The following PEAK1 variants were observed in gnomAD, a reference collection of about 807,000 sequenced individuals.
PEAK1 encodes inactive tyrosine-protein kinase PEAK1.
PEAK1 carries 54 observed loss-of-function variants against 124.7 expected under a neutral mutation model. The observed-to-expected ratio is 0.43, with a 90% confidence interval of 0.35 to 0.54. The LOEUF (loss-of-function observed/expected upper bound fraction) is 0.54, where lower values mean the gene tolerates loss of function less well. Among genes scored for constraint, PEAK1 ranks in the 20% least tolerant of loss-of-function variants. PEAK1 has a pLI of 0.01. For missense variants in PEAK1, 2,046 were observed against 2,134.5 expected (o/e 0.96, Z 0.82); for synonymous variants, 719 against 760.0 (o/e 0.95, Z 0.89).
intron 5 of PEAK1, among the ~76,000 whole-genome samples, chr15:77,264,660 G>T (rs1388024649): frequency 1.3e-5 from 2 of 152,034 alleles, no homozygotes; most frequent in Non-Finnish European, 2.9e-5. Flanking sequence ...AATCAATATC[G>T]TGAAAATGGC....
intron 2 of PEAK1, chr15:77,352,432 C>T (rs2067263894): frequency 1.0e-6 from 1 of 985,176 alleles, no homozygotes; most frequent in Admixed American, 6.2e-5. Flanking sequence ...ATACACGCAC[C>T]ACTAGGCCTG....
chr15:77,334,641 T>C (rs1567273111), intron 2 of PEAK1: 2 of 985,272 alleles, frequency 2.0e-6, no homozygotes, highest in South Asian at 4.7e-5. Flanking sequence ...TATTTTCATA[T>C]TTTTATTTGT....
chr15:77,136,762 G>A (rs1484585052), intron 8 of PEAK1, among the ~76,000 whole-genome samples: 2 of 152,176 alleles, frequency 1.3e-5, no homozygotes, highest in Non-Finnish European at 2.9e-5. Context: ...TTTCTGAAGA[G>A]AAATTCAAGC....
At chr15:77,123,459 A>C (rs17466905) in intron 9 of PEAK1, among the ~76,000 whole-genome samples, 3 of 152,188 alleles carry the variant, frequency 2.0e-5, no homozygotes, top group South Asian at 4.1e-4. Context: ...TGCTTCAGGC[A>C]TGAAATAATA....
chr15:77,145,838 A>T (rs977745620), intron 8 of PEAK1, among the ~76,000 whole-genome samples: 1 of 152,144 alleles, frequency 6.6e-6, no homozygotes, highest in Non-Finnish European at 1.5e-5. Context: ...CCCCATGTCT[A>T]TCTCTCCCAA....
intron 5 of PEAK1, among the ~76,000 whole-genome samples, chr15:77,256,615 T>C (rs2061150306): frequency 6.6e-6 from 1 of 152,078 alleles, no homozygotes; most frequent in African/African-American, 2.4e-5. Flanking sequence ...AAGGAGAATA[T>C]TTTGAGACAT....
intron 2 of PEAK1, among the ~76,000 whole-genome samples, chr15:77,345,203 T>G (rs1334417310): frequency 6.6e-6 from 1 of 152,180 alleles, no homozygotes; most frequent in Non-Finnish European, 1.5e-5. Context: ...TATGTTGAGG[T>G]AGTTTTCTTC....
intron 5 of PEAK1, among the ~76,000 whole-genome samples, chr15:77,253,247 G>C (rs564586272): frequency 4.0e-5 from 6 of 148,366 alleles, no homozygotes; most frequent in East Asian, 2.0e-4. Context: ...GTATGCGTTG[G>C]GGGGGGGGTG....
chr15:77,281,030 C>A (rs1226800307), intron 5 of PEAK1, among the ~76,000 whole-genome samples: 2 of 151,940 alleles, frequency 1.3e-5, no homozygotes, highest in African/African-American at 4.8e-5. Context: ...TGGGGTGACA[C>A]CGGTAATCCT....
In PEAK1 at chr15:77,221,905, G is replaced by A. The variant is rs559724966; in HGVS notation, c.-115+30462C>T. Among the ~76,000 whole-genome samples the A allele has an allele frequency of 1.2e-4, 19 of 152,118 alleles. No homozygotes were observed. The East Asian group carries it at 3.1e-3, about 25-fold the overall frequency. ...TAGCATGCAACGCCAATTTTAAGTC[G>A]TGCTCCTCAAGGTGCCAGCTGTGTT... On this transcript the variant is annotated intron_variant, in intron 6 of 9. Coordinates refer to ENST00000682557, the MANE Select transcript of PEAK1 (RefSeq NM_001385026.1).
intron 6 of PEAK1, among the ~76,000 whole-genome samples, chr15:77,201,993 T>C (rs1408509467): frequency 6.6e-6 from 1 of 152,216 alleles, no homozygotes; most frequent in Non-Finnish European, 1.5e-5. Context: ...TTTGTCAAAC[T>C]TGGTATTCAT....
chr15:77,419,662 G>A, intron 1 of PEAK1: 10 of 985,102 alleles, frequency 1.0e-5, no homozygotes, highest in Non-Finnish European at 1.2e-5. Flanking sequence ...CCTCCCAGCC[G>A]CGCCCGGGGG....
downstream of PEAK1, chr15:77,106,868 G>C (rs924991208): frequency 6.6e-6 from 1 of 152,110 alleles, no homozygotes. Context: ...GAATTCCTTC[G>C]CTATTTTGTC....
Position 77,164,905 on chromosome 15 carries a change from CT to C in PEAK1, c.3138-6210del, listed in dbSNP as rs978671775. 3.3e-3 allele frequency among the ~76,000 whole-genome samples: 465 copies of C among 142,318 alleles called. 1 individual carries two copies. The highest frequency in any genetic ancestry group is 7.1e-3 in the Middle Eastern group (2 of 282). 93.4% of individuals were successfully genotyped at this position (142,318 alleles called of 152,430 possible). The stretch of plus-strand genomic sequence containing the variant: ...GAAGGATGTTGAACAGGCTTTCTTT[CT>C]TTTTTTTTTTTTTTGAGACGGAGTC... On this transcript the variant is annotated intron_variant, in intron 7 of 9. Transcript: ENST00000682557.
chr15:77,294,162 T>C (rs1567222231), intron 2 of PEAK1, among the ~76,000 whole-genome samples: 1 of 152,184 alleles, frequency 6.6e-6, no homozygotes, highest in Admixed American at 6.5e-5. Flanking sequence ...CAACAGTGTC[T>C]TGATGGCCTG....
rs992736289 is a variant in PEAK1 at position 77,179,170 on chromosome 15, A to G, written c.2757T>C (p.Asp919=). 2.5e-6 allele frequency: 4 copies of G among 1,614,116 alleles called. No homozygotes were observed. The part of the protein sequence containing the change: ...LHSEGSRRAA[D]AKPKRWISFK... ...ATGATATCCAGCGCTTAGGTTTTGC[A>G]TCAGCTGCCCGCCTGCTGCCTTCAG... Residue 919 remains aspartate, a synonymous_variant, in exon 7 of 10, where the codon GAT becomes GAC. Transcript: ENST00000682557.
chr15:77,417,046 T>C (rs2072936775), intron 1 of PEAK1, among the ~76,000 whole-genome samples: 1 of 152,132 alleles, frequency 6.6e-6, no homozygotes, highest in Admixed American at 6.5e-5. Context: ...TTACCTATTA[T>C]TGAAGATTAG....
intron 2 of PEAK1, chr15:77,349,246 A>C (rs1000678726): frequency 3.8e-5 from 19 of 494,218 alleles, no homozygotes; most frequent in Admixed American, 6.4e-5. Context: ...TCACCATGTT[A>C]CCCAGGATGG....
intron 9 of PEAK1, among the ~76,000 whole-genome samples, chr15:77,123,308 A>G (rs924407198): frequency 2.6e-5 from 4 of 152,202 alleles, no homozygotes; most frequent in African/African-American, 9.6e-5. Flanking sequence ...TTTTTATAAA[A>G]TGATCTCATA....
Sources: gnomAD v4.1 joint callset for allele counts (sites outside exome capture counted in the v4.1 genomes callset) on GRCh38, gnomAD v4.1.1 for gene constraint, MANE v1.5 for transcripts, NCBI Gene and HGNC (gene_info 2026-07-23, HGNC 2026-07-21) for gene names.